PKD1L1: variants seen among roughly 807,000 people sequenced by gnomAD.
The protein encoded by PKD1L1 is polycystin-1-like protein 1.
In PKD1L1, 236 loss-of-function variants were observed where a neutral mutation model predicts 323.4. That is an observed-to-expected ratio of 0.73 (90% confidence interval 0.66 to 0.81). The LOEUF (loss-of-function observed/expected upper bound fraction) is 0.81, where lower values mean the gene tolerates loss of function less well. Among genes scored for constraint, PKD1L1 ranks in the 40% least tolerant of loss-of-function variants. The pLI is 0.00. For missense variants in PKD1L1, 3,320 were observed against 3,508.0 expected (o/e 0.95, Z 1.35); for synonymous variants, 1,344 against 1,335.0 (o/e 1.01, Z -0.15).
At chr7:47,846,757 C>T in intron 32 of PKD1L1, 122 bp downstream of exon 32, 3 of 904,674 alleles carry the variant, frequency 3.3e-6, no homozygotes, top group Non-Finnish European at 4.9e-6. Flanking sequence ...GTTGTACAAA[C>T]CAAGAGAGCT....
intron 56 of PKD1L1, among the ~76,000 whole-genome samples, chr7:47,789,678 T>A (rs534007671): frequency 5.9e-5 from 9 of 152,358 alleles, no homozygotes; most frequent in African/African-American, 2.2e-4. Context: ...CGTCTGTCAG[T>A]GCTTTCTGCT....
At position 47,835,094 on chromosome 7, in the gene PKD1L1, G is replaced by T. The variant is rs773598593; in HGVS notation, c.6054+39C>A. ...CGTGTTCCCCAGCAATGAAGGGGCT[G>T]CTCAGGAGAACAGGGCCATGAGGAC... On this transcript the variant is annotated intron_variant, in intron 38 of 56. Coordinates refer to ENST00000289672, the MANE Select transcript of PKD1L1 (RefSeq NM_138295.5). 5.6e-6 allele frequency: 9 copies of T among 1,606,600 alleles called. No individual in the cohort carries two copies. In the South Asian group the frequency reaches 9.9e-5, roughly 18 times the overall value.
rs181417679 is a variant in PKD1L1 at position 47,913,874 on chromosome 7, C to T, written c.1228+1558G>A. 4.0e-4 allele frequency among the ~76,000 whole-genome samples: 61 copies of T among 152,178 alleles called. 1 individual carries two copies. Among genetic ancestry groups the T allele is most frequent in the Admixed American group, 9.8e-4 (15 of 15,288 alleles). ...ATGTTCTGACAATGTAGAAATCATA[C>T]AGTAAACGAAATTTGGGCTGGGGAA... is the stretch of plus-strand genomic sequence containing the variant. On this transcript the variant is annotated intron_variant, in intron 8 of 56. Coordinates refer to ENST00000289672, the MANE Select transcript of PKD1L1 (RefSeq NM_138295.5).
chr7:47,885,849 A>T lies in PKD1L1; in HGVS notation c.3042T>A (p.Thr1014=). The change falls in exon 18 of 57, where the codon ACT becomes ACA. Residue 1014 remains threonine (T), a synonymous_variant. Coordinates refer to ENST00000289672, the MANE Select transcript of PKD1L1 (RefSeq NM_138295.5). Reference sequence around the variant, plus strand: ...CCGCAGGAGGAATCCAGTAGACTCCAGTCATGGGCTCTGTGGGGGTTCCCC... The same window carrying T: ...CCGCAGGAGGAATCCAGTAGACTCCTGTCATGGGCTCTGTGGGGGTTCCCC... ...APRGTPTEPM[T]GVYWIPPAGD... 6.2e-7 allele frequency: 1 copy of T among 1,614,188 alleles called. No homozygotes were observed. Among genetic ancestry groups the T allele is most frequent in the Non-Finnish European group, 8.5e-7 (1 of 1,180,024 alleles).
chr7:47,899,691 G>T (rs193287945), intron 13 of PKD1L1, among the ~76,000 whole-genome samples: 89 of 152,114 alleles, frequency 5.9e-4, no homozygotes, highest in African/African-American at 1.7e-3. Context: ...GCACGGTGAC[G>T]CAAGCCTGTA....
rs2128735046 is a variant in PKD1L1 at position 47,830,079 on chromosome 7, G to A, written c.6519C>T (p.Leu2173=). The A allele has an allele frequency of 6.2e-7, 1 of 1,614,224 alleles. No homozygotes were observed. The highest frequency in any genetic ancestry group is 8.5e-7 in the Non-Finnish European group (1 of 1,180,054). ...TGATGAAAATACAGCAGACCACGGA[G>A]AGGGACAGCAGGTGCAGCCACTGCA... ...QCVQWLHLLS[L]SVVCCIFITQ... is the part of the protein sequence containing the mutation. Residue 2173 remains leucine (L), a synonymous_variant, in exon 43 of 57, where the codon CTC becomes CTT. Coordinates refer to ENST00000289672, the MANE Select transcript of PKD1L1 (RefSeq NM_138295.5).
At position 47,855,079 on chromosome 7, in the gene PKD1L1, T is replaced by C. The variant is rs898470977; in HGVS notation, c.4702-40A>G. 5 of 1,607,908 alleles carry C rather than the reference T, an allele frequency of 3.1e-6. No individual in the cohort carries two copies. In the African/African-American group the frequency reaches 6.7e-5, roughly 22 times the overall value. ...AAAACAAGTTAAGCAAAATTTGCCT[T>C]TGGTAAAATAAACACATTAAAAATC... On this transcript the variant is annotated intron_variant, in intron 29 of 56. Transcript: ENST00000289672.
At chr7:47,786,174 C>CGT (rs926945649) in intron 56 of PKD1L1, among the ~76,000 whole-genome samples, 1 of 152,212 alleles carries the variant, frequency 6.6e-6, no homozygotes, top group Non-Finnish European at 1.5e-5. Context: ...CAGAACCTAA[C>CGT]TATAACTACA....
chr7:47,872,812 A>G (rs1331813809), intron 24 of PKD1L1, among the ~76,000 whole-genome samples: 2 of 152,212 alleles, frequency 1.3e-5, no homozygotes, highest in African/African-American at 4.8e-5. Flanking sequence ...ATTCCTAGTT[A>G]CCTACCCAAG....
intron 13 of PKD1L1, 92 bp from the exon 14 acceptor site, chr7:47,898,286 C>A: frequency 9.2e-7 from 1 of 1,081,706 alleles, no homozygotes; most frequent in East Asian, 2.5e-5. Context: ...AACTGTAGAT[C>A]TCCCATTATT....
rs774448043 is a variant in PKD1L1, at chr7:47,795,940, T to C, written c.8355+49A>G. 3 of 1,570,854 alleles carry C rather than the reference T, an allele frequency of 1.9e-6. No individual in the cohort carries two copies. In the African/African-American group the frequency reaches 4.1e-5, roughly 22 times the overall value. On this transcript the variant is annotated intron_variant, in intron 55 of 56. Coordinates refer to ENST00000289672, the MANE Select transcript of PKD1L1 (RefSeq NM_138295.5). ...GCAAAATTCTGCAATGAAACCATCATCTTGAGTGTGTGCTATCATGCTCAG... is the reference window on the plus strand; with the variant it reads ...GCAAAATTCTGCAATGAAACCATCACCTTGAGTGTGTGCTATCATGCTCAG...
At chr7:47,871,687 T>C (rs780630090) in intron 24 of PKD1L1, among the ~76,000 whole-genome samples, 1 of 134,272 alleles carries the variant, frequency 7.4e-6, no homozygotes, top group Non-Finnish European at 1.6e-5. Flanking sequence ...ATTGTCTCCA[T>C]AGACCTAGGA....
At chr7:47,861,866 G>A (rs1400633166) in intron 26 of PKD1L1, among the ~76,000 whole-genome samples, 1 of 102,090 alleles carries the variant, frequency 9.8e-6, no homozygotes, top group Admixed American at 1.6e-4. Flanking sequence ...GGGCGACAGA[G>A]CAAGACTCTG....
chr7:47,887,888 ACACTGGGT>A, intron 17 of PKD1L1, 94 bp downstream of exon 17: 11 of 1,180,712 alleles, frequency 9.3e-6, no homozygotes, highest in African/African-American at 1.6e-5. Flanking sequence ...CAGATCAGAC[ACACTGGGT>A]CATACCAAAT....
Position 47,902,494 on chromosome 7 carries a change from A to T in PKD1L1, c.1949T>A (p.Val650Glu). The T allele has an allele frequency of 6.2e-7, 1 of 1,614,082 alleles. No individual in the cohort carries two copies. Among genetic ancestry groups the T allele is most frequent in the East Asian group, 2.2e-5 (1 of 44,890 alleles). ...GACATTATTGAAGGCAAGGACCTCC[A>T]CTGTAAATTCTCCTTCCCTGGGACG... ...HVYSREGEFT[V>E]EVLAFNNVSA... The change falls in exon 13 of 57, where the codon GTG becomes GAG. Residue 650 changes from valine to glutamate, a missense_variant. By Grantham distance (121) the Val-to-Glu change is moderately radical (BLOSUM62 -2). Coordinates refer to ENST00000289672, the MANE Select transcript of PKD1L1 (RefSeq NM_138295.5).
intron 23 of PKD1L1, 70 bp from the exon 24 acceptor site, chr7:47,874,080 G>T: frequency 1.1e-6 from 1 of 938,598 alleles, no homozygotes; most frequent in Non-Finnish European, 1.7e-6. Flanking sequence ...TTCACACACA[G>T]ACAGCATCTT....
chr7:47,820,173 A>G (rs1029968794), intron 46 of PKD1L1, among the ~76,000 whole-genome samples: 2 of 152,218 alleles, frequency 1.3e-5, no homozygotes, highest in Non-Finnish European at 2.9e-5. Context: ...ACAACTCTCA[A>G]AAAAAAGAAG....
chr7:47,829,880 G>T (rs897368695), intron 43 of PKD1L1, among the ~76,000 whole-genome samples, 160 bp downstream of exon 43: 1 of 152,216 alleles, frequency 6.6e-6, no homozygotes, highest in Non-Finnish European at 1.5e-5. Context: ...AGGCCCATGT[G>T]CAGCTTAGCA....
At chr7:47,943,591 A>G in intron 1 of PKD1L1, 80 bp from the exon 2 acceptor site, 2 of 1,079,480 alleles carry the variant, frequency 1.9e-6, no homozygotes, top group Non-Finnish European at 2.8e-6. Context: ...CCACTCTTCC[A>G]TCCATATCCA....
Sources: allele counts gnomAD v4.1 joint callset (sites outside exome capture counted in the v4.1 genomes callset), GRCh38; gene constraint gnomAD v4.1.1; transcripts MANE v1.5; gene names NCBI Gene and HGNC (gene_info 2026-07-23, HGNC 2026-07-21).